Variants in SSPN observed in about 807,000 individuals in gnomAD.
SSPN encodes K-ras oncogene-associated protein.
A neutral mutation model predicts 19.1 loss-of-function variants in SSPN; 15 were observed. The observed-to-expected ratio is 0.78, with a 90% CI of 0.52 to 1.21. SSPN has a LOEUF of 1.21. SSPN is among the 50% of genes most tolerant of loss of function. SSPN has a pLI of 0.00. For missense variants in SSPN, 291 were observed against 314.0 expected (o/e 0.93, Z 0.55); for synonymous variants, 147 against 140.3 (o/e 1.05, Z -0.34).
At chr12:26,125,094 A>C in intron 1 of SSPN, 2 of 432,972 alleles carry the variant, frequency 4.6e-6, no homozygotes, top group South Asian at 2.1e-5. Flanking sequence ...TGCGGAACGT[A>C]CCATCCGCGG....
Position 26,200,974 on chromosome 12 carries a change from T to C in SSPN, c.279+5023T>C, listed in dbSNP as rs12825148. On this transcript the variant is annotated intron_variant, in intron 1 of 2. Transcript: ENST00000242729. ...TCTCATAGTAAGTATAAAAATGGAA[T>C]GCAATTGAATTATTCTGGCAAAAGA... Among the ~76,000 whole-genome samples, 794 of 139,372 alleles carry C rather than the reference T, an allele frequency of 5.7e-3. 11 individuals carry two copies. Among genetic ancestry groups the C allele is most frequent in the East Asian group, 0.051 (243 of 4,734 alleles). The allele number at this position is 139,372 out of a possible 152,430, so 91.4% of individuals were successfully genotyped here.
rs1945266470 is a variant in SSPN at position 26,234,525 on chromosome 12, T to G, written c.*3449T>G. 6.6e-6 allele frequency: 1 copy of G among 152,192 alleles called. No individual in the cohort carries two copies. The highest frequency in any genetic ancestry group is 1.5e-5 in the Non-Finnish European group (1 of 68,026). The allele number at this position is 152,192 out of a possible 1,614,324, so 9.4% of individuals were successfully genotyped here. A position where few individuals can be genotyped will look rare whatever the true frequency, so the allele number is the denominator to read the frequency against. On this transcript the variant is annotated 3_prime_UTR_variant, in exon 3 of 3. Transcript: ENST00000242729. ...GGAAACATTCATTTGGATGAAGAAT[T>G]AGTGGTTTAGCCTTTGAAATGAATA...
upstream of SSPN, among the ~76,000 whole-genome samples, chr12:26,191,896 A>T (rs1944791283): frequency 6.6e-6 from 1 of 152,254 alleles, no homozygotes; most frequent in African/African-American, 2.4e-5. Context: ...TTAGTTACAT[A>T]TGAAAAAGAC....
Position 26,231,957 on chromosome 12 carries a change from C to T in SSPN, c.*881C>T. The T allele has an allele frequency of 4.1e-6, 4 of 985,322 alleles. No individual in the cohort carries two copies. The highest frequency in any genetic ancestry group is 4.8e-6 in the Non-Finnish European group (4 of 829,922). 61.0% of individuals were successfully genotyped at this position (985,322 alleles called of 1,614,324 possible). On this transcript the variant is annotated 3_prime_UTR_variant, in exon 3 of 3. Transcript: ENST00000242729. ...TCGGTGTTAAGAGAAATTACTCTCA[C>T]AAGAGCAGAGGCCTGAAGATTCTTT...
At chr12:26,140,079 A>G (rs1468353582) in intron 1 of SSPN, among the ~76,000 whole-genome samples, 1 of 152,096 alleles carries the variant, frequency 6.6e-6, no homozygotes, top group Non-Finnish European at 1.5e-5. Context: ...CTGCTTTTCT[A>G]CTGCAAGCTC....
intron 1 of SSPN, among the ~76,000 whole-genome samples, chr12:26,216,400 C>T (rs796205583): frequency 3.0e-4 from 46 of 151,074 alleles, no homozygotes; most frequent in African/African-American, 9.5e-4. Context: ...TCATGTCCTT[C>T]GCCCACTTTT....
intron 2 of SSPN, among the ~76,000 whole-genome samples, chr12:26,226,158 AAGGT>A (rs1159579997): frequency 6.6e-6 from 1 of 152,064 alleles, no homozygotes; most frequent in Non-Finnish European, 1.5e-5. Context: ...CTAGCTCTCT[AAGGT>A]TGCATGCTAC....
intron 1 of SSPN, chr12:26,122,290 CG>C: frequency 8.4e-7 from 1 of 1,193,416 alleles, no homozygotes; most frequent in Non-Finnish European, 1.0e-6. Flanking sequence ...AACGCGGCGG[CG>C]GCGGCGGCAG....
chr12:26,178,921 C>T (rs1944701460), intron 1 of SSPN, among the ~76,000 whole-genome samples: 1 of 152,218 alleles, frequency 6.6e-6, no homozygotes. Flanking sequence ...TCATTTGGCA[C>T]TCACCATGGG....
At chr12:26,218,825 C>T (rs1281436852) in intron 1 of SSPN, among the ~76,000 whole-genome samples, 3 of 152,146 alleles carry the variant, frequency 2.0e-5, no homozygotes, top group African/African-American at 7.2e-5. Context: ...ACATATTTAT[C>T]ATTTGTTGAA....
At chr12:26,123,849 G>A (rs1041773663) in intron 1 of SSPN, 2 of 838,366 alleles carry the variant, frequency 2.4e-6, no homozygotes, top group Non-Finnish European at 4.1e-6. Context: ...TTTGAAAGAA[G>A]TACTGTTCTT....
At chr12:26,203,568 C>T (rs1184342605) in intron 1 of SSPN, among the ~76,000 whole-genome samples, 1 of 152,180 alleles carries the variant, frequency 6.6e-6, no homozygotes, top group African/African-American at 2.4e-5. Context: ...TGAGATAAAA[C>T]TTGGCAAGAG....
At chr12:26,226,773 C>G (rs1450386906) in intron 2 of SSPN, among the ~76,000 whole-genome samples, 1 of 152,188 alleles carries the variant, frequency 6.6e-6, no homozygotes, top group Non-Finnish European at 1.5e-5. Context: ...CTGCCCACAT[C>G]CAGGAGGCCC....
At chr12:26,152,040 G>A (rs1486336647) in intron 1 of SSPN, among the ~76,000 whole-genome samples, 5 of 152,288 alleles carry the variant, frequency 3.3e-5, no homozygotes, top group African/African-American at 1.2e-4. Flanking sequence ...ATAATTCAGT[G>A]ACTACAAAGA....
At position 26,232,548 on chromosome 12, in the gene SSPN, T is replaced by G; in HGVS notation, c.*1472T>G. ...CTCCGCATTGCCTATTGATACACTT[T>G]ACTAATCATGAAATTCTAACCTAAA... is the stretch of plus-strand genomic sequence containing the variant. On this transcript the variant is annotated 3_prime_UTR_variant, in exon 3 of 3. Transcript: ENST00000242729. 1 of 985,438 alleles carries G rather than the reference T, an allele frequency of 1.0e-6. No individual in the cohort carries two copies. The highest frequency in any genetic ancestry group is 1.2e-6 in the Non-Finnish European group (1 of 829,916). The allele number at this position is 985,438 out of a possible 1,614,324, so 61.0% of individuals were successfully genotyped here. A position where few individuals can be genotyped will look rare whatever the true frequency, so the allele number is the denominator to read the frequency against.
chr12:26,212,780 A>T (rs1945003975), intron 1 of SSPN, among the ~76,000 whole-genome samples: 1 of 152,192 alleles, frequency 6.6e-6, no homozygotes, highest in Non-Finnish European at 1.5e-5. Flanking sequence ...AGACATAAAA[A>T]GTTGTTGCTA....
intron 1 of SSPN, among the ~76,000 whole-genome samples, chr12:26,171,624 ATTTT>A (rs3082328): frequency 3.3e-5 from 5 of 149,272 alleles, no homozygotes; most frequent in African/African-American, 1.2e-4. Context: ...TGTTTTCCCT[ATTTT>A]TTTTTTTGTC....
chr12:26,194,134 C>T (rs1240757001), upstream of SSPN, among the ~76,000 whole-genome samples: 1 of 152,020 alleles, frequency 6.6e-6, no homozygotes, highest in African/African-American at 2.4e-5. Flanking sequence ...ATATAAATAC[C>T]CCCAAAGTGA....
chr12:26,191,869 G>A (rs1944791087), upstream of SSPN, among the ~76,000 whole-genome samples: 1 of 152,048 alleles, frequency 6.6e-6, no homozygotes, highest in Non-Finnish European at 1.5e-5. Context: ...AAATCTAATT[G>A]AACATTTCAG....
Sources: gnomAD v4.1 joint callset for allele counts (sites outside exome capture counted in the v4.1 genomes callset) on GRCh38, gnomAD v4.1.1 for gene constraint, MANE v1.5 for transcripts, NCBI Gene and HGNC (gene_info 2026-07-23, HGNC 2026-07-21) for gene names.